NEMP2: variants seen among roughly 807,000 people sequenced by gnomAD.
NEMP2 encodes the protein nuclear envelope integral membrane protein 2.
NEMP2 carries 53 observed loss-of-function variants against 54.2 expected under a neutral mutation model. The observed-to-expected ratio is 0.98, with a 90% CI of 0.78 to 1.23. The LOEUF (loss-of-function observed/expected upper bound fraction) is 1.23, where lower values mean the gene tolerates loss of function less well. Ranked by LOEUF, NEMP2 falls within the 50% of genes most tolerant of loss-of-function variation. NEMP2 has a pLI of 0.00. For synonymous variants in NEMP2, 197 were observed against 190.3 expected (o/e 1.04, Z -0.29); for missense variants, 455 against 511.3 (o/e 0.89, Z 1.06).
chr2:190,590,704 C>T, the NEMP2 span, among the ~76,000 whole-genome samples: 1 of 152,116 alleles, frequency 6.6e-6, no homozygotes, highest in Non-Finnish European at 1.5e-5. This position sits in a 1 kb window ranked among gnomAD's most constrained non-coding sequence, Gnocchi z 5.1. Flanking sequence ...CCAAATATTC[C>T]TGGGCATGAT....
the NEMP2 span, chr2:190,610,267 A>G: frequency 6.6e-6 from 1 of 152,232 alleles, no homozygotes; most frequent in Non-Finnish European, 1.5e-5. This position sits in a 1 kb window ranked among gnomAD's most constrained non-coding sequence, Gnocchi z 5.4. Flanking sequence ...ATTTTCACAT[A>G]GGTCTTTTAT....
At chr2:190,537,402 T>C (rs578160034), upstream of NEMP2, among the ~76,000 whole-genome samples, 3 of 152,332 alleles carry the variant, frequency 2.0e-5, no homozygotes, top group South Asian at 2.1e-4. Context: ...GTTATTCTTA[T>C]GCTAGTGAGT....
chr2:190,646,451 A>G, the NEMP2 span, among the ~76,000 whole-genome samples: 1 of 152,256 alleles, frequency 6.6e-6, no homozygotes, highest in Non-Finnish European at 1.5e-5. Flanking sequence ...ACTCAGATAC[A>G]GGCGAATGCT....
the NEMP2 span, among the ~76,000 whole-genome samples, chr2:190,587,010 C>G: frequency 1.3e-5 from 2 of 152,088 alleles, no homozygotes; most frequent in African/African-American, 4.8e-5. The surrounding 1 kb of genome is among the most constrained non-coding windows in gnomAD (Gnocchi z 5.4). Flanking sequence ...AAGTTCCCAC[C>G]ACTTCCATGT....
the NEMP2 span, among the ~76,000 whole-genome samples, chr2:190,441,687 G>T: frequency 6.6e-6 from 1 of 151,948 alleles, no homozygotes; most frequent in Non-Finnish European, 1.5e-5. Context: ...CTTTCTCCAC[G>T]TGGGTACTCT....
the NEMP2 span, among the ~76,000 whole-genome samples, chr2:190,581,392 G>C: frequency 6.6e-6 from 1 of 152,144 alleles, no homozygotes; most frequent in African/African-American, 2.4e-5. Flanking sequence ...ACACAGAAAA[G>C]TGTGTATATG....
rs1437975847 is a variant in NEMP2, at chr2:190,521,178, A to G, written c.214-1995T>C. The stretch of plus-strand genomic sequence containing the variant: ...ATTCTTCCACCCTCTGCAACAAAGG[A>G]TTTCACAACTTCTTCCTCAATACTC... On this transcript the variant is annotated intron_variant, in intron 2 of 8. Coordinates refer to ENST00000409150, the MANE Select transcript of NEMP2 (RefSeq NM_001142645.2). The surrounding 1 kb of genome is among the most constrained non-coding windows in gnomAD (Gnocchi z 6.2). 6.6e-6 allele frequency among the ~76,000 whole-genome samples: 1 copy of G among 152,144 alleles called. No homozygotes were observed. Among genetic ancestry groups the G allele is most frequent in the African/African-American group, 2.4e-5 (1 of 41,422 alleles).
the NEMP2 span, among the ~76,000 whole-genome samples, chr2:190,422,388 T>C: frequency 6.6e-6 from 1 of 152,196 alleles, no homozygotes; most frequent in African/African-American, 2.4e-5. Context: ...TCTTATTTCC[T>C]GTATCCCTTG....
At chr2:190,436,021 T>A in the NEMP2 span, 4 of 1,597,516 alleles carry the variant, frequency 2.5e-6, no homozygotes, top group Non-Finnish European at 1.7e-6. The surrounding 1 kb of genome is among the most constrained non-coding windows in gnomAD (Gnocchi z 5.3). Flanking sequence ...CTGATGGTGG[T>A]GGTAAGCCAT....
chr2:190,510,263 A>G lies in NEMP2; in HGVS notation c.1130+98T>C. On this transcript the variant is annotated intron_variant, in intron 8 of 8. Transcript: ENST00000409150. The surrounding 1 kb of genome is among the most constrained non-coding windows in gnomAD (Gnocchi z 5.7). ...CACATCATCTGTTATCCAGGGAAAC[A>G]GTCTATTTCTACCCTGAAGTGCCTG... is the stretch of plus-strand genomic sequence containing the variant. The G allele has an allele frequency of 7.3e-7, 1 of 1,373,348 alleles. No homozygotes were observed. The highest frequency in any genetic ancestry group is 9.9e-7 in the Non-Finnish European group (1 of 1,012,958). 85.1% of individuals were successfully genotyped at this position (1,373,348 alleles called of 1,614,324 possible). A position where few individuals can be genotyped will look rare whatever the true frequency, so the allele number is the denominator to read the frequency against.
At chr2:190,548,210 G>C in the NEMP2 span, among the ~76,000 whole-genome samples, 1 of 152,146 alleles carries the variant, frequency 6.6e-6, no homozygotes, top group Non-Finnish European at 1.5e-5. Flanking sequence ...TTAGGATTCT[G>C]ATGGCACTCC....
chr2:190,449,155 A>C, the NEMP2 span, among the ~76,000 whole-genome samples: 1 of 152,180 alleles, frequency 6.6e-6, no homozygotes, highest in African/African-American at 2.4e-5. Flanking sequence ...CTTTAAAATG[A>C]GATCAGGTGC....
chr2:190,636,145 A>G, the NEMP2 span, among the ~76,000 whole-genome samples: 1 of 152,236 alleles, frequency 6.6e-6, no homozygotes, highest in South Asian at 2.1e-4. Context: ...AATTAAAGGC[A>G]GTTTCTATGT....
At chr2:190,477,868 A>C in the NEMP2 span, among the ~76,000 whole-genome samples, 1 of 152,162 alleles carries the variant, frequency 6.6e-6, no homozygotes, top group Non-Finnish European at 1.5e-5. Flanking sequence ...AAAATTCCCT[A>C]CAAAAATCAC....
the NEMP2 span, among the ~76,000 whole-genome samples, chr2:190,439,324 A>G: frequency 8.5e-5 from 13 of 152,126 alleles, no homozygotes; most frequent in East Asian, 1.9e-4. The surrounding 1 kb of genome is among the most constrained non-coding windows in gnomAD (Gnocchi z 5.8). Flanking sequence ...GACTCAGTAC[A>G]GAGTATGTGT....
At chr2:190,599,649 G>A in the NEMP2 span, among the ~76,000 whole-genome samples, 3 of 151,970 alleles carry the variant, frequency 2.0e-5, no homozygotes, top group South Asian at 2.1e-4. Flanking sequence ...GTCAGGAATC[G>A]GTTTACTTGG....
the NEMP2 span, among the ~76,000 whole-genome samples, chr2:190,576,333 T>C: frequency 1.3e-5 from 2 of 152,202 alleles, no homozygotes; most frequent in Admixed American, 1.3e-4. Flanking sequence ...TCAGGTTGTA[T>C]TTGTTACTAT....
At position 190,508,390 on chromosome 2, in the gene NEMP2, T is replaced by C. The variant is rs563830936; in HGVS notation, c.*799A>G. 1.4e-4 allele frequency: 22 copies of C among 152,350 alleles called. No individual in the cohort carries two copies. The highest frequency in any genetic ancestry group is 5.0e-4 in the African/African-American group (21 of 41,588). 9.4% of individuals were successfully genotyped at this position (152,350 alleles called of 1,614,324 possible). ...GCTCCTAAGCTTGCACCTGAAGATC[T>C]TGTCTACCTGAGTCAAAGGATACAT... On this transcript the variant is annotated 3_prime_UTR_variant, in exon 9 of 9. Coordinates refer to ENST00000409150, the MANE Select transcript of NEMP2 (RefSeq NM_001142645.2). This position sits in a 1 kb window ranked among gnomAD's most constrained non-coding sequence, Gnocchi z 4.3.
chr2:190,439,935 T>C, the NEMP2 span, among the ~76,000 whole-genome samples: 18 of 152,344 alleles, frequency 1.2e-4, no homozygotes, highest in East Asian at 3.3e-3. This position sits in a 1 kb window ranked among gnomAD's most constrained non-coding sequence, Gnocchi z 5.8. Context: ...TCAGGTGGTA[T>C]TGGTTGTGAT....
Sources: gnomAD v4.1 joint callset for allele counts (sites outside exome capture counted in the v4.1 genomes callset) on GRCh38, gnomAD v4.1.1 for gene constraint, Gnocchi (gnomAD v3.1) non-coding constraint, MANE v1.5 for transcripts, NCBI Gene and HGNC (gene_info 2026-07-23, HGNC 2026-07-21) for gene names.